Variants in TBCA observed in about 807,000 individuals in gnomAD.
TBCA encodes the protein tubulin-specific chaperone A.
A neutral mutation model predicts 15.8 loss-of-function variants in TBCA; 6 were observed. The ratio of observed to expected loss-of-function variants is 0.38; its 90% CI spans 0.21 to 0.75. The LOEUF (loss-of-function observed/expected upper bound fraction) is 0.75, where lower values mean the gene tolerates loss of function less well. TBCA is among the 30% of genes least tolerant of loss of function. TBCA has a pLI of 0.46. For missense variants in TBCA, 90 were observed against 131.2 expected, an observed-to-expected ratio of 0.69 and a Z score of 1.53; for synonymous variants, 32 against 42.3, an observed-to-expected ratio of 0.76 and a Z score of 0.94.
chr5:77,697,488 CCTA>C (rs1019543277), intron 2 of TBCA, among the ~76,000 whole-genome samples: 1 of 151,656 alleles, frequency 6.6e-6, no homozygotes, highest in Non-Finnish European at 1.5e-5. Context: ...AAGGAAAATC[CCTA>C]CTTAGAAATT....
chr5:77,722,677 T>C (rs1478908252), intron 1 of TBCA, among the ~76,000 whole-genome samples: 4 of 151,936 alleles, frequency 2.6e-5, no homozygotes, highest in Non-Finnish European at 5.9e-5. Context: ...TAAGAGCTAG[T>C]GAACCAGATT....
chr5:77,713,577 T>G (rs1339974657), intron 1 of TBCA, among the ~76,000 whole-genome samples: 1 of 152,186 alleles, frequency 6.6e-6, no homozygotes, highest in East Asian at 1.9e-4. Flanking sequence ...ATTAACTCCT[T>G]TTCCAGTCAA....
intron 1 of TBCA, among the ~76,000 whole-genome samples, chr5:77,759,438 A>G (rs921845025): frequency 1.4e-4 from 21 of 152,320 alleles, no homozygotes; most frequent in African/African-American, 5.1e-4. Context: ...TGCGACTCCT[A>G]CTTCCCATAA....
intron 2 of TBCA, among the ~76,000 whole-genome samples, chr5:77,704,345 C>T (rs1356506851): frequency 6.6e-6 from 1 of 152,148 alleles, no homozygotes; most frequent in African/African-American, 2.4e-5. Context: ...TGGCAACCAT[C>T]TTCAGGTAAG....
intron 1 of TBCA, among the ~76,000 whole-genome samples, chr5:77,742,503 G>A (rs1747065549): frequency 6.6e-6 from 1 of 152,014 alleles, no homozygotes; most frequent in Admixed American, 6.6e-5. Flanking sequence ...ATTACATAAA[G>A]TCAACATTTT....
chr5:77,709,909 G>A (rs1746236713), intron 1 of TBCA, among the ~76,000 whole-genome samples: 1 of 152,132 alleles, frequency 6.6e-6, no homozygotes, highest in Non-Finnish European at 1.5e-5. Context: ...TGACATAAAA[G>A]GCTACATATT....
intron 1 of TBCA, among the ~76,000 whole-genome samples, chr5:77,747,868 A>T (rs1255999869): frequency 6.6e-6 from 1 of 152,176 alleles, no homozygotes; most frequent in Non-Finnish European, 1.5e-5. Flanking sequence ...CTACATTCAG[A>T]AGGAAACTTG....
intron 1 of TBCA, among the ~76,000 whole-genome samples, chr5:77,736,583 G>GC (rs947777431): frequency 1.3e-5 from 2 of 152,160 alleles, no homozygotes; most frequent in East Asian, 1.9e-4. Context: ...TCCATGCGAT[G>GC]CCCCCCAAAT....
chr5:77,751,328 A>AT (rs1475715742), intron 1 of TBCA, among the ~76,000 whole-genome samples: 1 of 151,460 alleles, frequency 6.6e-6, no homozygotes, highest in East Asian at 1.9e-4. Context: ...CGCCCAGCTA[A>AT]TTTTTTGTAT....
At chr5:77,702,010 G>C (rs539012517) in intron 2 of TBCA, among the ~76,000 whole-genome samples, 1 of 152,016 alleles carries the variant, frequency 6.6e-6, no homozygotes, top group South Asian at 2.1e-4. Flanking sequence ...GCGTAAGAAT[G>C]ACACAATAGA....
intron 2 of TBCA, among the ~76,000 whole-genome samples, chr5:77,706,623 C>A (rs1746155804): frequency 6.6e-6 from 1 of 151,770 alleles, no homozygotes; most frequent in Admixed American, 6.6e-5. Flanking sequence ...AACAGCCTGG[C>A]CAACATGACA....
chr5:77,732,579 T>G (rs1196332518), intron 1 of TBCA, among the ~76,000 whole-genome samples: 2 of 147,774 alleles, frequency 1.4e-5, no homozygotes, highest in Non-Finnish European at 1.5e-5. Flanking sequence ...AAAAAAAAAT[T>G]GAAGGTTTGT....
At chr5:77,758,628 A>T (rs1156794869) in intron 1 of TBCA, among the ~76,000 whole-genome samples, 1 of 152,164 alleles carries the variant, frequency 6.6e-6, no homozygotes, top group African/African-American at 2.4e-5. Context: ...GCATACTTCC[A>T]GGGTCTTGTG....
At chr5:77,756,252 T>C (rs1747475052) in intron 1 of TBCA, among the ~76,000 whole-genome samples, 1 of 152,140 alleles carries the variant, frequency 6.6e-6, no homozygotes, top group Non-Finnish European at 1.5e-5. Flanking sequence ...GTCTAGCACC[T>C]TCCAGAGGGC....
At chr5:77,766,415 T>C (rs533736545) in intron 1 of TBCA, among the ~76,000 whole-genome samples, 9 of 152,272 alleles carry the variant, frequency 5.9e-5, no homozygotes, top group African/African-American at 1.9e-4. Context: ...AATACTATCC[T>C]GAAAAATGTC....
chr5:77,740,610 T>G (rs1309188375), intron 1 of TBCA, among the ~76,000 whole-genome samples: 1 of 152,076 alleles, frequency 6.6e-6, no homozygotes, highest in East Asian at 1.9e-4. Context: ...TTTTATCATG[T>G]TGTGTTTAAA....
intron 3 of TBCA, 163 bp downstream of exon 3, chr5:77,693,103 A>C: frequency 6.8e-7 from 1 of 1,476,128 alleles, no homozygotes; most frequent in South Asian, 1.4e-5. Context: ...AATTCAAAAC[A>C]CAATTTAAAC....
At chr5:77,737,294 G>A (rs544994555) in intron 1 of TBCA, among the ~76,000 whole-genome samples, 9 of 152,106 alleles carry the variant, frequency 5.9e-5, no homozygotes, top group Non-Finnish European at 7.4e-5. Context: ...AACAGGCAGC[G>A]CACTCCTTAC....
chr5:77,749,167 C>G (rs1013061134), intron 1 of TBCA, among the ~76,000 whole-genome samples: 1 of 152,104 alleles, frequency 6.6e-6, no homozygotes, highest in Non-Finnish European at 1.5e-5. Context: ...ATGAGAACCG[C>G]GAGAGATCAC....
Sources: gnomAD v4.1 joint callset for allele counts (sites outside exome capture counted in the v4.1 genomes callset) on GRCh38, gnomAD v4.1.1 for gene constraint, MANE v1.5 for transcripts, NCBI Gene and HGNC (gene_info 2026-07-23, HGNC 2026-07-21) for gene names.